The following PROM1 variants were observed in gnomAD, a reference collection of about 807,000 sequenced individuals.
PROM1 encodes the protein prominin 1.
PROM1 carries 105 observed loss-of-function variants against 116.9 expected under a neutral mutation model. The ratio of observed to expected loss-of-function variants is 0.90; its 90% CI spans 0.77 to 1.06. The LOEUF is 1.06. PROM1 is among the 50% of genes least tolerant of loss of function. The pLI is 0.00. For synonymous variants in PROM1, 393 were observed against 387.0 expected, an observed-to-expected ratio of 1.02 and a Z score of -0.18; for missense variants, 1,122 against 1,045.2, an observed-to-expected ratio of 1.07 and a Z score of -1.01.
intron 10 of PROM1, 111 bp from the exon 11 acceptor site, chr4:16,013,449 A>G (rs1163865889): frequency 1.4e-6 from 1 of 720,254 alleles, no homozygotes; most frequent in African/African-American, 1.7e-5. Context: ...AAAATATAAC[A>G]TTCATCTTAA....
chr4:16,038,392 TTTTATTTATTTA>T, intron 3 of PROM1, among the ~76,000 whole-genome samples: 1 of 152,236 alleles, frequency 6.6e-6, no homozygotes, highest in Middle Eastern at 3.4e-3. Context: ...AAATTTTAGT[TTTTATTTATTTA>T]TTTGTTTATT....
chr4:16,005,402 T>G (rs1381761544), intron 13 of PROM1, among the ~76,000 whole-genome samples: 1 of 152,156 alleles, frequency 6.6e-6, no homozygotes, highest in African/African-American at 2.4e-5. Flanking sequence ...TATACCATAC[T>G]GGAGCCTAAT....
chr4:16,057,739 T>C (rs576166940), intron 2 of PROM1, among the ~76,000 whole-genome samples: 3 of 152,338 alleles, frequency 2.0e-5, no homozygotes, highest in Admixed American at 6.5e-5. Context: ...TTTCTATTTA[T>C]ATCTACCTAG....
At chr4:15,992,812 A>T (rs1215634542) in intron 16 of PROM1, among the ~76,000 whole-genome samples, 1 of 152,196 alleles carries the variant, frequency 6.6e-6, no homozygotes, top group Non-Finnish European at 1.5e-5. Context: ...CTGGCATTCC[A>T]GGGAAGGGAC....
chr4:16,042,648 A>G (rs1404761110), intron 2 of PROM1, among the ~76,000 whole-genome samples: 1 of 152,210 alleles, frequency 6.6e-6, no homozygotes, highest in African/African-American at 2.4e-5. Flanking sequence ...CTGTTAATAG[A>G]TCAAACTATA....
rs768200385 is a variant in PROM1 at position 15,998,476 on chromosome 4, G to A, written c.1591C>T (p.Pro531Ser). Residue 531 changes from proline to serine, a missense_variant, in exon 15 of 28, where the codon CCC (proline) becomes TCC (serine). Transcript: ENST00000447510. ...TCCCAGTCTTCATTTAGTAAGTAGGGTGTATCCAAAACCTAGAACACATTA... is the reference window on the plus strand; with the variant it reads ...TCCCAGTCTTCATTTAGTAAGTAGGATGTATCCAAAACCTAGAACACATTA... Reference protein sequence around the residue: ...SKELFRVLDTPYLLNEDWEYY... With the variant: ...SKELFRVLDTSYLLNEDWEYY... 5 of 1,607,922 alleles carry A rather than the reference G, an allele frequency of 3.1e-6. No homozygotes were observed. The highest frequency in any genetic ancestry group is 3.4e-5 in the Admixed American group (2 of 58,744).
intron 11 of PROM1, among the ~76,000 whole-genome samples, chr4:16,010,722 T>C (rs1217427975): frequency 6.6e-6 from 1 of 151,968 alleles, no homozygotes; most frequent in Non-Finnish European, 1.5e-5. Flanking sequence ...CTCACCATGT[T>C]GCTCCTGGGC....
At chr4:16,017,910 T>C (rs10002855) in intron 9 of PROM1, among the ~76,000 whole-genome samples, 4,774 of 152,340 alleles carry the variant, frequency 0.031, 243 homozygotes, top group African/African-American at 0.11. Flanking sequence ...GAACTTCATG[T>C]AATCCAAGTT....
intron 19 of PROM1, among the ~76,000 whole-genome samples, chr4:15,989,319 G>A (rs1313767751): frequency 2.0e-5 from 3 of 152,002 alleles, no homozygotes; most frequent in Admixed American, 1.3e-4. Flanking sequence ...ACGAAGCAAC[G>A]CCCATCGAGA....
intron 2 of PROM1, among the ~76,000 whole-genome samples, chr4:16,071,175 A>C (rs1742713467): frequency 6.6e-6 from 1 of 152,090 alleles, no homozygotes; most frequent in Admixed American, 6.6e-5. Context: ...CTGTGCTCTA[A>C]CCTATCAGCT....
chr4:16,020,660 C>T (rs1578070051), intron 8 of PROM1, among the ~76,000 whole-genome samples: 1 of 152,202 alleles, frequency 6.6e-6, no homozygotes, highest in African/African-American at 2.4e-5. Flanking sequence ...GCAAGAACCA[C>T]CACCACCACC....
At chr4:16,062,027 G>A (rs1041500113) in intron 2 of PROM1, among the ~76,000 whole-genome samples, 16 of 151,864 alleles carry the variant, frequency 1.1e-4, no homozygotes, top group African/African-American at 3.9e-4. Context: ...GAGTAGCTGG[G>A]ACTACGGGCG....
At chr4:16,008,218 C>T (rs1363653550) in intron 12 of PROM1, among the ~76,000 whole-genome samples, 1 of 152,196 alleles carries the variant, frequency 6.6e-6, no homozygotes, top group Admixed American at 6.5e-5. Flanking sequence ...TTGCTGAGCT[C>T]TTCAGAGAGA....
intron 2 of PROM1, chr4:16,055,173 A>G (rs113878330): frequency 9.0e-4 from 269 of 299,404 alleles, no homozygotes; most frequent in African/African-American, 5.4e-3. Context: ...CTAAGAACCT[A>G]GCATTCTCCT....
chr4:15,986,812 C>T (rs1719534467), intron 20 of PROM1, among the ~76,000 whole-genome samples: 1 of 152,192 alleles, frequency 6.6e-6, no homozygotes, highest in African/African-American at 2.4e-5. Context: ...ATGTTGGTCT[C>T]ACTGAGAAAA....
chr4:16,009,212 A>C, intron 11 of PROM1, 104 bp from the exon 12 acceptor site: 267 of 882,108 alleles, frequency 3.0e-4, no homozygotes, highest in Non-Finnish European at 4.2e-4. Flanking sequence ...AGTTTTTCTC[A>C]TGTCATGTAT....
chr4:16,003,711 G>T (rs994149255), intron 13 of PROM1, among the ~76,000 whole-genome samples: 2 of 152,214 alleles, frequency 1.3e-5, no homozygotes, highest in African/African-American at 4.8e-5. Context: ...AACACATTGG[G>T]AGGCTGAGGT....
At chr4:16,061,800 A>ATCTC (rs902815765) in intron 2 of PROM1, among the ~76,000 whole-genome samples, 8 of 151,468 alleles carry the variant, frequency 5.3e-5, no homozygotes, top group Non-Finnish European at 1.2e-4. Flanking sequence ...TCTGTTAGAG[A>ATCTC]TCTCTCCTAG....
chr4:15,985,708 G>T, intron 22 of PROM1, 52 bp downstream of exon 22: 1 of 1,221,110 alleles, frequency 8.2e-7, no homozygotes, highest in Non-Finnish European at 1.2e-6. Context: ...CTAGAAAATG[G>T]CTATCCTGAA....
Sources: allele counts gnomAD v4.1 joint callset (sites outside exome capture counted in the v4.1 genomes callset), GRCh38; gene constraint gnomAD v4.1.1; transcripts MANE v1.5; gene names NCBI Gene and HGNC (gene_info 2026-07-23, HGNC 2026-07-21).